Variants in KHDRBS3 observed in about 807,000 individuals in gnomAD.
KHDRBS3 encodes the protein KH domain-containing, RNA-binding, signal transduction-associated protein 3.
KHDRBS3 carries 23 observed loss-of-function variants against 45.6 expected under a neutral mutation model. The ratio of observed to expected loss-of-function variants is 0.50; its 90% CI spans 0.36 to 0.72. The LOEUF (loss-of-function observed/expected upper bound fraction) is 0.72, where lower values mean the gene tolerates loss of function less well. Ranked by LOEUF, KHDRBS3 falls within the 30% of genes least tolerant of loss-of-function variation. The pLI is 0.00. For missense variants in KHDRBS3, 352 were observed against 424.8 expected, an observed-to-expected ratio of 0.83 and a Z score of 1.51; for synonymous variants, 162 against 156.5, an observed-to-expected ratio of 1.04 and a Z score of -0.26.
chr8:135,638,778 T>A (rs1830925441), intron 7 of KHDRBS3, among the ~76,000 whole-genome samples: 1 of 152,052 alleles, frequency 6.6e-6, no homozygotes, highest in Non-Finnish European at 1.5e-5. Context: ...TGAAACCCTG[T>A]CTCTACTAAA....
intron 7 of KHDRBS3, among the ~76,000 whole-genome samples, chr8:135,624,452 G>T (rs749081003): frequency 1.3e-4 from 20 of 152,164 alleles, no homozygotes; most frequent in Non-Finnish European, 2.5e-4. Context: ...TAGAAATTTT[G>T]GGGATAACTG....
chr8:135,617,437 C>T lies in KHDRBS3; in HGVS notation c.890+10400C>T, dbSNP rs115967555. Among the ~76,000 whole-genome samples the T allele has an allele frequency of 2.6e-3, 388 of 152,084 alleles. 1 individual carries two copies. Among genetic ancestry groups the T allele is most frequent in the African/African-American group, 8.8e-3 (363 of 41,466 alleles). On this transcript the variant is annotated intron_variant, in intron 7 of 8. Transcript: ENST00000355849. ...GGACTACAGGAGTGCTCCACCACAC[C>T]CAGCTAATTTTTGTGTTTATAGTAG... is the stretch of plus-strand genomic sequence containing the variant.
intron 1 of KHDRBS3, among the ~76,000 whole-genome samples, chr8:135,506,552 C>T (rs1052452245): frequency 5.9e-5 from 9 of 151,856 alleles, no homozygotes; most frequent in South Asian, 2.1e-4. Flanking sequence ...TACAGGTGCC[C>T]GCCACCACAC....
At chr8:135,470,398 G>A (rs1821954833) in intron 1 of KHDRBS3, among the ~76,000 whole-genome samples, 1 of 151,820 alleles carries the variant, frequency 6.6e-6, no homozygotes, top group Admixed American at 6.5e-5. Context: ...GCTGCCCATC[G>A]TTTGGTGTAC....
At chr8:135,550,567 C>A (rs76574155) in intron 4 of KHDRBS3, among the ~76,000 whole-genome samples, 163 of 152,158 alleles carry the variant, frequency 1.1e-3, no homozygotes, top group African/African-American at 3.9e-3. Flanking sequence ...TTCTCAAATT[C>A]TTTTTCATTG....
At position 135,488,335 on chromosome 8, in the gene KHDRBS3, A is replaced by G. The variant is rs11990254; in HGVS notation, c.88+30381A>G. Among the ~76,000 whole-genome samples, 457 of 152,286 alleles carry G rather than the reference A, an allele frequency of 3.0e-3. 1 individual carries two copies. Among genetic ancestry groups the G allele is most frequent in the African/African-American group, 0.011 (445 of 41,550 alleles). ...ATTGCCAAATTATTGAATAAGTAGC[A>G]TTGTCAGGTATACGTGATAAGTTGC... On this transcript the variant is annotated intron_variant, in intron 1 of 8. Coordinates refer to ENST00000355849, the MANE Select transcript of KHDRBS3 (RefSeq NM_006558.3).
chr8:135,471,574 A>G (rs1822015772), intron 1 of KHDRBS3, among the ~76,000 whole-genome samples: 1 of 152,200 alleles, frequency 6.6e-6, no homozygotes, highest in Non-Finnish European at 1.5e-5. Context: ...ACAAGTGCAC[A>G]CGGCACTGTG....
At chr8:135,495,287 G>T (rs1035728389) in intron 1 of KHDRBS3, among the ~76,000 whole-genome samples, 1 of 152,116 alleles carries the variant, frequency 6.6e-6, no homozygotes. Context: ...TTTTGTGACC[G>T]TAACTCTCTG....
intron 1 of KHDRBS3, among the ~76,000 whole-genome samples, chr8:135,494,179 G>C (rs929347312): frequency 1.3e-5 from 2 of 150,824 alleles, no homozygotes; most frequent in Admixed American, 6.6e-5. Flanking sequence ...GCTTTCCAAA[G>C]TATCAACTTT....
At chr8:135,459,290 G>A (rs1331599015) in intron 1 of KHDRBS3, among the ~76,000 whole-genome samples, 3 of 152,154 alleles carry the variant, frequency 2.0e-5, no homozygotes, top group Non-Finnish European at 4.4e-5. Context: ...ACTCTTTACT[G>A]TCTCCAAGAA....
At chr8:135,552,208 T>G (rs927004389) in intron 4 of KHDRBS3, among the ~76,000 whole-genome samples, 1 of 152,152 alleles carries the variant, frequency 6.6e-6, no homozygotes, top group African/African-American at 2.4e-5. Flanking sequence ...TTTAAACTTT[T>G]TCTGTCTTTC....
chr8:135,632,655 A>G (rs1830653753), intron 7 of KHDRBS3, among the ~76,000 whole-genome samples: 1 of 151,828 alleles, frequency 6.6e-6, no homozygotes, highest in Non-Finnish European at 1.5e-5. Flanking sequence ...ATAAATGATA[A>G]TTCTGTTTTT....
chr8:135,563,101 T>A (rs541666998), intron 5 of KHDRBS3, among the ~76,000 whole-genome samples: 14 of 152,346 alleles, frequency 9.2e-5, no homozygotes, highest in African/African-American at 3.4e-4. Context: ...TCAAATTAAA[T>A]GTGATCTTAT....
intron 5 of KHDRBS3, among the ~76,000 whole-genome samples, chr8:135,559,078 C>T (rs1827039298): frequency 6.6e-6 from 1 of 152,104 alleles, no homozygotes; most frequent in Non-Finnish European, 1.5e-5. Flanking sequence ...CCAGGGTAAT[C>T]CAGAGTAATC....
chr8:135,608,696 C>A (rs1441947974), intron 7 of KHDRBS3, among the ~76,000 whole-genome samples: 1 of 152,124 alleles, frequency 6.6e-6, no homozygotes, highest in Admixed American at 6.5e-5. Context: ...TGTCATTTAA[C>A]GACTGGGATA....
intron 1 of KHDRBS3, among the ~76,000 whole-genome samples, chr8:135,467,760 G>C (rs932043776): frequency 2.6e-5 from 4 of 152,230 alleles, no homozygotes; most frequent in African/African-American, 7.2e-5. Context: ...GGTTAAGGTG[G>C]TGCCAGTTTT....
intron 1 of KHDRBS3, among the ~76,000 whole-genome samples, chr8:135,495,408 G>T (rs1429700645): frequency 6.6e-6 from 1 of 152,184 alleles, no homozygotes; most frequent in Non-Finnish European, 1.5e-5. Flanking sequence ...ATCTCAGCCT[G>T]CCAGGCTTTT....
intron 7 of KHDRBS3, among the ~76,000 whole-genome samples, chr8:135,609,783 G>A (rs888547501): frequency 3.3e-5 from 5 of 151,738 alleles, no homozygotes; most frequent in Admixed American, 2.6e-4. Context: ...ACTCTATTCC[G>A]TGTGTTGGAC....
intron 7 of KHDRBS3, among the ~76,000 whole-genome samples, chr8:135,644,150 T>C (rs1170590666): frequency 2.0e-5 from 3 of 152,232 alleles, no homozygotes; most frequent in Non-Finnish European, 4.4e-5. Flanking sequence ...GGCTGAGTAA[T>C]CTAGACTTTT....
Sources: gnomAD v4.1 joint callset for allele counts (sites outside exome capture counted in the v4.1 genomes callset) on GRCh38, gnomAD v4.1.1 for gene constraint, MANE v1.5 for transcripts, NCBI Gene and HGNC (gene_info 2026-07-23, HGNC 2026-07-21) for gene names.